The following CENPP variants were observed in gnomAD, a reference collection of about 807,000 sequenced individuals.
CENPP encodes centromere protein P.
Under a neutral mutation model 35.6 loss-of-function variants are expected in CENPP, and 24 were observed. The ratio of observed to expected loss-of-function variants is 0.67; its 90% CI spans 0.49 to 0.95. CENPP has a LOEUF of 0.95. CENPP is among the 40% of genes least tolerant of loss of function. CENPP has a pLI of 0.00. For synonymous variants in CENPP, 120 were observed against 125.5 expected (o/e 0.96, Z 0.29); for missense variants, 332 against 345.3 (o/e 0.96, Z 0.31).
chr9:92,373,761 G>T (rs1435747661), intron 4 of CENPP, among the ~76,000 whole-genome samples: 2 of 152,036 alleles, frequency 1.3e-5, no homozygotes, highest in African/African-American at 2.4e-5. Context: ...AGGAGGCGGA[G>T]GTTGCAGTGA....
At chr9:92,564,044 G>A (rs1849906808) in intron 5 of CENPP, among the ~76,000 whole-genome samples, 1 of 152,112 alleles carries the variant, frequency 6.6e-6, no homozygotes, top group African/African-American at 2.4e-5. Context: ...ATTGTAATGT[G>A]GTGTATGAAG....
chr9:92,523,689 G>A (rs1848213739), intron 5 of CENPP, among the ~76,000 whole-genome samples: 1 of 152,222 alleles, frequency 6.6e-6, no homozygotes, highest in Non-Finnish European at 1.5e-5. Flanking sequence ...TGCTTAAACA[G>A]CATATCTTTA....
At position 92,494,377 on chromosome 9, in the gene CENPP, C is replaced by A. The variant is rs529314369; in HGVS notation, c.564+114518C>A. 2.6e-5 allele frequency among the ~76,000 whole-genome samples: 4 copies of A among 152,304 alleles called. No homozygotes were observed. The South Asian group carries it at 8.3e-4, about 32-fold the overall frequency. On this transcript the variant is annotated intron_variant, in intron 5 of 7. Coordinates refer to ENST00000375587, the MANE Select transcript of CENPP (RefSeq NM_001012267.3). ...TTAAATGGATGTGTAACCCTATCTT[C>A]TTGTTTTTACCTGTCTCTTAAAGTC...
intron 5 of CENPP, among the ~76,000 whole-genome samples, chr9:92,500,029 T>C (rs748203370): frequency 2.6e-5 from 4 of 152,176 alleles, no homozygotes; most frequent in Non-Finnish European, 5.9e-5. Context: ...AAAAACTAGA[T>C]AGAAGCAGTT....
intron 5 of CENPP, among the ~76,000 whole-genome samples, chr9:92,426,499 CAG>C (rs746264598): frequency 2.0e-5 from 3 of 151,996 alleles, no homozygotes; most frequent in East Asian, 1.9e-4. Context: ...AGAAGGAAAA[CAG>C]AAAATAAACA....
intron 5 of CENPP, chr9:92,390,018 C>CT: frequency 6.2e-7 from 1 of 1,606,438 alleles, no homozygotes; most frequent in Non-Finnish European, 8.5e-7. Flanking sequence ...TCTATATCTT[C>CT]TATCAAATTT....
At chr9:92,511,955 A>G (rs1370805496) in intron 5 of CENPP, 7 of 1,352,938 alleles carry the variant, frequency 5.2e-6, no homozygotes, top group East Asian at 2.4e-5. Context: ...TCTCCAACCA[A>G]TGCAAGTCAT....
In CENPP at chr9:92,618,084, CCA is replaced by C. The variant is rs1283408264; in HGVS notation, c.*4938_*4939del. On this transcript the variant is annotated 3_prime_UTR_variant, in exon 8 of 8. Transcript: ENST00000375587. ...AGTTTGTCCCTAGGCCTCTAGAGCA[CCA>C]CAGTTACTGGAACTTCACAGGTGCG... is the stretch of plus-strand genomic sequence containing the variant. The C allele has an allele frequency of 2.7e-5, 10 of 369,536 alleles. No homozygotes were observed. Among genetic ancestry groups the C allele is most frequent in the African/African-American group, 1.7e-4 (8 of 46,992 alleles). The allele number at this position is 369,536 out of a possible 1,614,324, so 22.9% of individuals were successfully genotyped here.
chr9:92,526,744 C>T (rs1848437602), intron 5 of CENPP, among the ~76,000 whole-genome samples: 1 of 151,876 alleles, frequency 6.6e-6, no homozygotes, highest in South Asian at 2.1e-4. Context: ...AGTTAAATTA[C>T]AGTAAGCTAA....
chr9:92,494,229 C>T (rs1846253452), intron 5 of CENPP: 2 of 1,443,900 alleles, frequency 1.4e-6, no homozygotes, highest in African/African-American at 2.8e-5. Context: ...GCTAGTTCTG[C>T]TGACTCACCT....
In CENPP at chr9:92,359,640, C is replaced by T. The variant is rs539573017; in HGVS notation, c.467+13853C>T. On this transcript the variant is annotated intron_variant, in intron 4 of 7. Transcript: ENST00000375587. ...AAAAGGAGCTCTGGCCTTTTAAGTC[C>T]CCTGGAAATCACTTCAACTGGAGGA... 6.6e-5 allele frequency among the ~76,000 whole-genome samples: 10 copies of T among 152,170 alleles called. No homozygotes were observed. In the South Asian group the frequency reaches 2.1e-3, roughly 32 times the overall value.
rs955842802 is a variant in CENPP at position 92,414,066 on chromosome 9, G to A, written c.564+34207G>A. Among the ~76,000 whole-genome samples, 2 of 152,086 alleles carry A rather than the reference G, an allele frequency of 1.3e-5. 1 individual carries two copies. The highest frequency in any genetic ancestry group is 1.3e-4 in the Admixed American group (2 of 15,258). On this transcript the variant is annotated intron_variant, in intron 5 of 7. Transcript: ENST00000375587. The stretch of plus-strand genomic sequence containing the variant: ...AACATTAGCATGGTATATCAAGAGA[G>A]TTCATCACAGCAGTTAGATAATCAT...
At chr9:92,511,208 C>T (rs927396791) in intron 5 of CENPP, among the ~76,000 whole-genome samples, 1 of 152,182 alleles carries the variant, frequency 6.6e-6, no homozygotes, top group Non-Finnish European at 1.5e-5. Context: ...TCACTGCAAC[C>T]TCCGCCTCCC....
At chr9:92,568,349 T>C (rs1166023467) in intron 5 of CENPP, among the ~76,000 whole-genome samples, 1 of 152,182 alleles carries the variant, frequency 6.6e-6, no homozygotes, top group African/African-American at 2.4e-5. Flanking sequence ...GGTTTTCTGT[T>C]GTTGCGATAG....
chr9:92,545,744 G>T (rs1478383268), intron 5 of CENPP, among the ~76,000 whole-genome samples: 1 of 152,242 alleles, frequency 6.6e-6, no homozygotes, highest in Non-Finnish European at 1.5e-5. Flanking sequence ...GGGATTTGGA[G>T]AACCTTTATG....
chr9:92,591,579 T>C (rs1850665532), intron 5 of CENPP, among the ~76,000 whole-genome samples: 3 of 151,448 alleles, frequency 2.0e-5, no homozygotes, highest in African/African-American at 7.3e-5. Flanking sequence ...GGCTTGCAGA[T>C]TGCCCATCTT....
chr9:92,467,475 G>A (rs750941208), intron 5 of CENPP, among the ~76,000 whole-genome samples: 2 of 152,186 alleles, frequency 1.3e-5, no homozygotes, highest in South Asian at 4.1e-4. Context: ...GAGAATTTCT[G>A]TGTTTACCAA....
intron 5 of CENPP, among the ~76,000 whole-genome samples, chr9:92,565,761 C>T (rs934240280): frequency 6.6e-6 from 1 of 152,144 alleles, no homozygotes; most frequent in African/African-American, 2.4e-5. Flanking sequence ...AAAGCAACTG[C>T]ATATACAGGG....
chr9:92,417,399 G>A (rs1843647889), intron 5 of CENPP: 1 of 1,614,046 alleles, frequency 6.2e-7, no homozygotes, highest in Non-Finnish European at 8.5e-7. Context: ...TGATGAAAAG[G>A]AACTCCGTAG....
Sources: gnomAD v4.1 joint callset for allele counts (sites outside exome capture counted in the v4.1 genomes callset) on GRCh38, gnomAD v4.1.1 for gene constraint, MANE v1.5 for transcripts, NCBI Gene and HGNC (gene_info 2026-07-23, HGNC 2026-07-21) for gene names.